Variants in RAD51B observed in about 807,000 individuals in gnomAD.
RAD51B encodes DNA repair protein RAD51 homolog 2.
A neutral mutation model predicts 42.2 loss-of-function variants in RAD51B; 38 were observed. The observed-to-expected ratio is 0.90, with a 90% confidence interval of 0.70 to 1.18. RAD51B has a LOEUF of 1.18. Ranked by LOEUF, RAD51B falls within the 50% of genes most tolerant of loss-of-function variation. RAD51B has a pLI of 0.00. For synonymous variants in RAD51B, 154 were observed against 145.2 expected, an observed-to-expected ratio of 1.06 and a Z score of -0.43; for missense variants, 373 against 400.7, an observed-to-expected ratio of 0.93 and a Z score of 0.59.
At chr14:68,653,759 G>A (rs1326986450) in intron 11 of RAD51B, among the ~76,000 whole-genome samples, 2 of 152,254 alleles carry the variant, frequency 1.3e-5, no homozygotes, top group Non-Finnish European at 2.9e-5. Flanking sequence ...ACGAACACAG[G>A]CCCATGCACA....
chr14:68,450,130 C>G (rs2085519282), intron 9 of RAD51B, among the ~76,000 whole-genome samples: 1 of 148,138 alleles, frequency 6.8e-6, no homozygotes, highest in Non-Finnish European at 1.5e-5. Context: ...AGGCAGTGGC[C>G]TGCCTGGTAG....
intron 7 of RAD51B, among the ~76,000 whole-genome samples, chr14:67,929,246 AACATACTTTTGCTATGTCC>A (rs2140152902): frequency 6.6e-6 from 1 of 152,126 alleles, no homozygotes; most frequent in Non-Finnish European, 1.5e-5. Context: ...CTCCCCTCTT[AACATACTTTTGCTATGTCC>A]CACAGGTTTT....
chr14:68,214,759 C>T (rs1744947), intron 7 of RAD51B, among the ~76,000 whole-genome samples: 26,537 of 152,146 alleles, frequency 0.17, 2,476 homozygotes, highest in Middle Eastern at 0.36. Flanking sequence ...CTTCTGGCCT[C>T]TTATACCCAC....
At chr14:68,591,887 C>G (rs949484064) in intron 10 of RAD51B, among the ~76,000 whole-genome samples, 1 of 152,140 alleles carries the variant, frequency 6.6e-6, no homozygotes, top group Non-Finnish European at 1.5e-5. Flanking sequence ...TGTCACTCCT[C>G]TTCTCTCCTT....
chr14:68,286,835 A>G (rs1009203134), intron 7 of RAD51B, among the ~76,000 whole-genome samples: 1 of 152,258 alleles, frequency 6.6e-6, no homozygotes, highest in African/African-American at 2.4e-5. Flanking sequence ...GAGGGTCTGC[A>G]TTGGGCACAT....
chr14:68,474,584 T>C (rs1057061876), intron 10 of RAD51B, among the ~76,000 whole-genome samples: 3 of 152,122 alleles, frequency 2.0e-5, no homozygotes, highest in African/African-American at 7.2e-5. Context: ...CAAAATTGGG[T>C]TTGTAGCCAT....
chr14:68,400,667 G>GAA (rs201816461), intron 8 of RAD51B, among the ~76,000 whole-genome samples: 13 of 151,720 alleles, frequency 8.6e-5, no homozygotes, highest in Admixed American at 8.5e-4. Context: ...CACTGTGGGG[G>GAA]AAAAAAAACA....
intron 9 of RAD51B, among the ~76,000 whole-genome samples, chr14:68,434,759 ACTGT>A (rs1473421876): frequency 1.3e-5 from 2 of 151,966 alleles, no homozygotes; most frequent in Non-Finnish European, 2.9e-5. Context: ...TCCTGCACCC[ACTGT>A]CTGACAAGCC....
intron 7 of RAD51B, among the ~76,000 whole-genome samples, chr14:68,290,750 C>T (rs2081499651): frequency 6.6e-6 from 1 of 151,956 alleles, no homozygotes; most frequent in African/African-American, 2.4e-5. Flanking sequence ...TTAACGATAA[C>T]AAGCAAAGAA....
chr14:67,889,314 C>T (rs2043150201), intron 7 of RAD51B, among the ~76,000 whole-genome samples: 1 of 146,390 alleles, frequency 6.8e-6, no homozygotes, highest in South Asian at 2.1e-4. Context: ...CACACAGGTC[C>T]GAGATTTAAT....
intron 10 of RAD51B, among the ~76,000 whole-genome samples, chr14:68,557,317 A>G (rs1888904849): frequency 1.3e-5 from 2 of 152,176 alleles, no homozygotes; most frequent in Non-Finnish European, 2.9e-5. Flanking sequence ...TGCTCAGAGC[A>G]CTTACATTAA....
chr14:68,387,090 A>T (rs554210832), intron 8 of RAD51B: 8 of 152,294 alleles, frequency 5.3e-5, no homozygotes, highest in Middle Eastern at 3.4e-3. Context: ...TAAACTACTG[A>T]CCCGTTTCCT....
intron 7 of RAD51B, among the ~76,000 whole-genome samples, chr14:67,941,275 G>A (rs1290416124): frequency 1.3e-5 from 2 of 152,200 alleles, no homozygotes; most frequent in Non-Finnish European, 2.9e-5. Context: ...AGCAGAGTTT[G>A]TTTTTGAGGT....
intron 7 of RAD51B, among the ~76,000 whole-genome samples, chr14:68,086,933 C>G (rs752162342): frequency 6.6e-6 from 1 of 151,914 alleles, no homozygotes. Flanking sequence ...GTCAGGAGTT[C>G]GAGACCAGCC....
At chr14:68,502,100 C>A (rs1884965777) in intron 10 of RAD51B, among the ~76,000 whole-genome samples, 1 of 152,254 alleles carries the variant, frequency 6.6e-6, no homozygotes, top group African/African-American at 2.4e-5. Context: ...CAATGTGCTT[C>A]CTCAACCAGA....
At chr14:68,183,520 A>G (rs2079094590) in intron 7 of RAD51B, among the ~76,000 whole-genome samples, 1 of 152,144 alleles carries the variant, frequency 6.6e-6, no homozygotes, top group Admixed American at 6.5e-5. Context: ...TCACAGACAC[A>G]CCCAGGAATA....
intron 8 of RAD51B, among the ~76,000 whole-genome samples, chr14:68,361,524 A>G (rs1245941861): frequency 6.6e-6 from 1 of 152,106 alleles, no homozygotes; most frequent in African/African-American, 2.4e-5. Flanking sequence ...TCTACACCCA[A>G]TATCATCATG....
At chr14:68,191,408 T>G (rs1411228290) in intron 7 of RAD51B, among the ~76,000 whole-genome samples, 1 of 152,216 alleles carries the variant, frequency 6.6e-6, no homozygotes, top group Non-Finnish European at 1.5e-5. Context: ...GGCCCCATGA[T>G]AAGAAAGTGT....
chr14:68,656,309 C>T (rs1332260317), intron 11 of RAD51B, among the ~76,000 whole-genome samples: 1 of 152,182 alleles, frequency 6.6e-6, no homozygotes, highest in Admixed American at 6.5e-5. Context: ...ACAGAGATGA[C>T]TATAGGTATC....
Sources: gnomAD v4.1 joint callset for allele counts (sites outside exome capture counted in the v4.1 genomes callset) on GRCh38, gnomAD v4.1.1 for gene constraint, MANE v1.5 for transcripts, NCBI Gene and HGNC (gene_info 2026-07-23, HGNC 2026-07-21) for gene names.